NEDD4L: variants seen among roughly 807,000 people sequenced by gnomAD.
The protein encoded by NEDD4L is E3 ubiquitin-protein ligase NEDD4-like.
NEDD4L carries 54 observed loss-of-function variants against 148.9 expected under a neutral mutation model. That is an observed-to-expected ratio of 0.36 (90% CI 0.29 to 0.45). The LOEUF is 0.45. Ranked by LOEUF, NEDD4L falls within the 20% of genes least tolerant of loss-of-function variation. NEDD4L has a pLI of 1.00. For missense variants in NEDD4L, 856 were observed against 1,233.8 expected (o/e 0.69, Z 4.59); for synonymous variants, 433 against 440.7 (o/e 0.98, Z 0.22).
intron 1 of NEDD4L, among the ~76,000 whole-genome samples, chr18:58,135,490 C>T (rs932156795): frequency 3.3e-5 from 5 of 152,168 alleles, no homozygotes; most frequent in African/African-American, 9.7e-5. Flanking sequence ...TGTAAATTAA[C>T]CTTGACATGT....
chr18:58,106,639 T>G (rs1018354309), intron 1 of NEDD4L, among the ~76,000 whole-genome samples: 7 of 152,206 alleles, frequency 4.6e-5, no homozygotes, highest in African/African-American at 1.7e-4. Context: ...TTATGAAGAT[T>G]AAATGATTTA....
In NEDD4L at chr18:58,387,508, A is replaced by C; in HGVS notation, c.2547+10A>C. 1 of 1,545,906 alleles carries C rather than the reference A, an allele frequency of 6.5e-7. No individual in the cohort carries two copies. Among genetic ancestry groups the C allele is most frequent in the South Asian group, 1.2e-5 (1 of 80,132 alleles). On this transcript the variant is annotated intron_variant, in intron 27 of 30. Coordinates refer to ENST00000400345, the MANE Select transcript of NEDD4L (RefSeq NM_001144967.3). Reference sequence around the variant, plus strand: ...TGAAAATGAGCTGGAGGTTTGTATTATAAACATTATTTTATGTAAAGTGGA... The same window carrying C: ...TGAAAATGAGCTGGAGGTTTGTATTCTAAACATTATTTTATGTAAAGTGGA...
intron 23 of NEDD4L, 143 bp downstream of exon 23, chr18:58,370,610 A>G (rs2046733058): frequency 3.0e-6 from 2 of 677,008 alleles, no homozygotes; most frequent in South Asian, 3.3e-5. Flanking sequence ...AATTGCTTGA[A>G]AAGTTCATTG....
At chr18:58,267,341 T>C (rs1288885711) in intron 5 of NEDD4L, among the ~76,000 whole-genome samples, 1 of 152,062 alleles carries the variant, frequency 6.6e-6, no homozygotes, top group African/African-American at 2.4e-5. Flanking sequence ...TAAAACCCTA[T>C]TATACTTGAA....
At chr18:58,178,813 A>G (rs1235933383) in intron 2 of NEDD4L, among the ~76,000 whole-genome samples, 1 of 152,194 alleles carries the variant, frequency 6.6e-6, no homozygotes, top group Non-Finnish European at 1.5e-5. Context: ...TGTGTCTCCT[A>G]TTGAAGAACT....
chr18:58,297,702 G>A (rs564929231), intron 5 of NEDD4L, among the ~76,000 whole-genome samples: 3 of 152,138 alleles, frequency 2.0e-5, no homozygotes, highest in South Asian at 2.1e-4. Context: ...GAAGGGTCCC[G>A]GTATGGGGGG....
Position 58,400,452 on chromosome 18 carries a change from A to C in NEDD4L, c.*4183A>C, listed in dbSNP as rs2050779700. The stretch of plus-strand genomic sequence containing the variant: ...AGTGTCTATACATTTGCATACACAC[A>C]CCCCCACCCCAGAGTGTTCTCAGTA... On this transcript the variant is annotated 3_prime_UTR_variant, in exon 31 of 31. Transcript: ENST00000400345. 6.6e-6 allele frequency: 1 copy of C among 152,006 alleles called. No individual in the cohort carries two copies. The highest frequency in any genetic ancestry group is 1.5e-5 in the Non-Finnish European group (1 of 67,988). 9.4% of individuals were successfully genotyped at this position (152,006 alleles called of 1,614,324 possible). A position where few individuals can be genotyped will look rare whatever the true frequency, so the allele number is the denominator to read the frequency against.
intron 2 of NEDD4L, among the ~76,000 whole-genome samples, chr18:58,185,926 C>CT (rs1289703735): frequency 6.6e-6 from 1 of 152,050 alleles, no homozygotes; most frequent in Non-Finnish European, 1.5e-5. Context: ...TGATGAATGC[C>CT]TGTACTCTTA....
At chr18:58,168,647 TC>T (rs1309658137) in intron 2 of NEDD4L, among the ~76,000 whole-genome samples, 4 of 151,826 alleles carry the variant, frequency 2.6e-5, no homozygotes, top group African/African-American at 7.3e-5. Context: ...CCCTGAGTAT[TC>T]CCCGCACCTC....
intron 1 of NEDD4L, among the ~76,000 whole-genome samples, chr18:58,163,737 T>C (rs1272580715): frequency 2.0e-5 from 3 of 152,230 alleles, no homozygotes; most frequent in Non-Finnish European, 4.4e-5. Flanking sequence ...GTTTTGGGGA[T>C]ACGTGGTTGG....
At chr18:58,188,248 G>A (rs751623438) in intron 2 of NEDD4L, among the ~76,000 whole-genome samples, 2 of 152,290 alleles carry the variant, frequency 1.3e-5, no homozygotes, top group African/African-American at 2.4e-5. Context: ...GGGAGAAAAC[G>A]GAGATGAGTG....
At chr18:58,060,476 C>T (rs1331501142) in intron 1 of NEDD4L, among the ~76,000 whole-genome samples, 2 of 152,048 alleles carry the variant, frequency 1.3e-5, no homozygotes, top group African/African-American at 4.8e-5. Flanking sequence ...TTGGACAACC[C>T]TAGGCAGTTG....
At chr18:58,247,902 T>C (rs1331649304) in intron 3 of NEDD4L, among the ~76,000 whole-genome samples, 4 of 152,236 alleles carry the variant, frequency 2.6e-5, no homozygotes, top group Non-Finnish European at 4.4e-5. Context: ...TTGAATTCAC[T>C]GTGGAGTTGT....
intron 2 of NEDD4L, among the ~76,000 whole-genome samples, chr18:58,242,016 G>C (rs2148354933): frequency 6.6e-6 from 1 of 150,516 alleles, no homozygotes; most frequent in Non-Finnish European, 1.5e-5. Flanking sequence ...TGCCAAGAGT[G>C]AATTCTGATG....
In NEDD4L at chr18:58,195,525, C is replaced by T. The variant is rs768734425; in HGVS notation, c.122+29664C>T. The stretch of plus-strand genomic sequence containing the variant: ...GTGGCTGCGCAGGGCCCTACCTGGG[C>T]GGGAGCGGCTGCAGAGCCCTGTCCA... On this transcript the variant is annotated intron_variant, in intron 2 of 30. Transcript: ENST00000400345. 8.9e-6 allele frequency: 12 copies of T among 1,342,960 alleles called. No individual in the cohort carries two copies. Among genetic ancestry groups the T allele is most frequent in the Admixed American group, 1.9e-5 (1 of 51,594 alleles). 83.2% of individuals were successfully genotyped at this position (1,342,960 alleles called of 1,614,324 possible).
intron 30 of NEDD4L, 39 bp from the exon 31 acceptor site, chr18:58,396,128 G>A (rs369428483): frequency 3.6e-6 from 5 of 1,382,232 alleles, no homozygotes; most frequent in African/African-American, 2.8e-5. Context: ...AGGAAGTGCT[G>A]TTGTGGCTTT....
chr18:58,365,156 G>C (rs1307049082), intron 20 of NEDD4L, among the ~76,000 whole-genome samples: 1 of 152,178 alleles, frequency 6.6e-6, no homozygotes, highest in Non-Finnish European at 1.5e-5. Context: ...TCTCATTTAG[G>C]GGTTTTGGTC....
intron 1 of NEDD4L, among the ~76,000 whole-genome samples, chr18:58,074,444 T>G (rs1450409038): frequency 6.7e-6 from 1 of 149,546 alleles, no homozygotes; most frequent in African/African-American, 2.5e-5. Flanking sequence ...ATTTTTTTTT[T>G]TTTTTTTTTT....
At chr18:58,350,847 A>C in intron 17 of NEDD4L, 144 bp from the exon 18 acceptor site, 1 of 594,316 alleles carries the variant, frequency 1.7e-6, no homozygotes, top group Non-Finnish European at 2.9e-6. Context: ...TGAAATGTTC[A>C]TATTTAGTTC....
Sources: allele counts gnomAD v4.1 joint callset (sites outside exome capture counted in the v4.1 genomes callset), GRCh38; gene constraint gnomAD v4.1.1; transcripts MANE v1.5; gene names NCBI Gene and HGNC (gene_info 2026-07-23, HGNC 2026-07-21).